SYNPR: variants seen among roughly 807,000 people sequenced by gnomAD.
SYNPR encodes synaptoporin.
A neutral mutation model predicts 32.9 loss-of-function variants in SYNPR; 23 were observed. That is an observed-to-expected ratio of 0.70 (90% CI 0.50 to 0.99). The LOEUF is 0.99. Among genes scored for constraint, SYNPR ranks in the 50% least tolerant of loss-of-function variants. The pLI is 0.00. For missense variants in SYNPR, 318 were observed against 349.3 expected (o/e 0.91, Z 0.71); for synonymous variants, 146 against 135.9 (o/e 1.07, Z -0.52).
At chr3:63,417,344 C>A (rs530187713) in intron 2 of SYNPR, among the ~76,000 whole-genome samples, 5 of 152,244 alleles carry the variant, frequency 3.3e-5, no homozygotes. Context: ...TGGGAAGCTC[C>A]GCCCCTGTGG....
rs11924108 is a variant in SYNPR at position 63,392,953 on chromosome 3, A to C, written c.85-87879A>C. Among the ~76,000 whole-genome samples the C allele has an allele frequency of 6.0e-3, 917 of 152,218 alleles. 12 individuals carry two copies. The highest frequency in any genetic ancestry group is 0.021 in the African/African-American group (888 of 41,542). On this transcript the variant is annotated intron_variant, in intron 2 of 5. Coordinates refer to ENST00000478300, the MANE Select transcript of SYNPR (RefSeq NM_001130003.2). Reference sequence around the variant, plus strand: ...ATACTCATTCTAGTAGTGTATTATGATTCTTCTATATGTATTTTCCCATTT... The same window carrying C: ...ATACTCATTCTAGTAGTGTATTATGCTTCTTCTATATGTATTTTCCCATTT...
intron 4 of SYNPR, among the ~76,000 whole-genome samples, chr3:63,586,419 T>C (rs1337234420): frequency 6.6e-6 from 1 of 151,958 alleles, no homozygotes; most frequent in Non-Finnish European, 1.5e-5. Flanking sequence ...TTTTCAAATT[T>C]AGTCACTTAA....
chr3:63,256,973 T>A (rs933785827), intron 2 of SYNPR, among the ~76,000 whole-genome samples: 2 of 152,094 alleles, frequency 1.3e-5, no homozygotes, highest in Admixed American at 1.3e-4. Flanking sequence ...GTATCAGTGA[T>A]GGAAGATCAA....
chr3:63,519,766 A>G (rs1701870917), intron 3 of SYNPR, among the ~76,000 whole-genome samples: 2 of 152,226 alleles, frequency 1.3e-5, no homozygotes, highest in South Asian at 4.1e-4. Context: ...TAATGAGTTG[A>G]ATGCATTGTA....
intron 2 of SYNPR, among the ~76,000 whole-genome samples, chr3:63,292,036 A>G (rs2086745087): frequency 6.6e-6 from 1 of 152,202 alleles, no homozygotes; most frequent in South Asian, 2.1e-4. Flanking sequence ...CCTGTACAGC[A>G]TGTGACTGTA....
intron 2 of SYNPR, among the ~76,000 whole-genome samples, chr3:63,425,770 T>C (rs1028326389): frequency 6.6e-6 from 1 of 150,404 alleles, no homozygotes; most frequent in Non-Finnish European, 1.5e-5. Context: ...AATGAACTTA[T>C]GGAAATAGAC....
intron 2 of SYNPR, among the ~76,000 whole-genome samples, chr3:63,476,760 C>A (rs1185296299): frequency 6.6e-6 from 1 of 152,164 alleles, no homozygotes; most frequent in Non-Finnish European, 1.5e-5. Context: ...CCAGGTATAA[C>A]CTCCTGTCCA....
intron 2 of SYNPR, among the ~76,000 whole-genome samples, chr3:63,455,756 G>GGGGTGTGTGTGTGTGTGTGT (rs1553637948): frequency 6.9e-6 from 1 of 144,282 alleles, no homozygotes; most frequent in African/African-American, 2.6e-5. Flanking sequence ...TCATGTTTGG[G>GGGGTGTGTGTGTGTGTGTGT]GTGTGTGTGT....
intron 2 of SYNPR, among the ~76,000 whole-genome samples, chr3:63,409,236 G>A (rs2088429174): frequency 6.6e-6 from 1 of 151,962 alleles, no homozygotes; most frequent in Admixed American, 6.6e-5. Flanking sequence ...TGTTTCTCAT[G>A]TGGGCTTTAA....
At chr3:63,543,871 T>C (rs1702351136) in intron 3 of SYNPR, among the ~76,000 whole-genome samples, 1 of 152,040 alleles carries the variant, frequency 6.6e-6, no homozygotes, top group African/African-American at 2.4e-5. Flanking sequence ...CCTTCCCTTA[T>C]GTAGCTGGCC....
intron 2 of SYNPR, among the ~76,000 whole-genome samples, chr3:63,291,604 C>G (rs1011343866): frequency 1.8e-4 from 21 of 117,138 alleles, no homozygotes; most frequent in African/African-American, 6.6e-4. Context: ...TTCATGGATT[C>G]TATTTTGAAG....
rs1228416434 is a variant in SYNPR at position 63,609,429 on chromosome 3, A to G, written c.600+113A>G. 3.2e-6 allele frequency: 3 copies of G among 931,498 alleles called. No homozygotes were observed. In the East Asian group the frequency reaches 8.9e-5, roughly 28 times the overall value. 57.7% of individuals were successfully genotyped at this position (931,498 alleles called of 1,614,324 possible). A position where few individuals can be genotyped will look rare whatever the true frequency, so the allele number is the denominator to read the frequency against. The stretch of plus-strand genomic sequence containing the variant: ...AATTGTTGCCTACAAAACTAGGCCA[A>G]TCAAAAGGTGAGATACTTCACCTCA... On this transcript the variant is annotated intron_variant, in intron 5 of 5. Coordinates refer to ENST00000478300, the MANE Select transcript of SYNPR (RefSeq NM_001130003.2).
At chr3:63,200,605 GA>G in the SYNPR span, among the ~76,000 whole-genome samples, 1 of 152,130 alleles carries the variant, frequency 6.6e-6, no homozygotes, top group Non-Finnish European at 1.5e-5. Flanking sequence ...TACAGGTGAG[GA>G]AACGGAAACT....
At chr3:63,253,398 T>G (rs2106891454) in intron 2 of SYNPR, among the ~76,000 whole-genome samples, 1 of 152,338 alleles carries the variant, frequency 6.6e-6, no homozygotes, top group East Asian at 1.9e-4. Flanking sequence ...GTAGCATCAT[T>G]TGGACAACTG....
At chr3:63,340,566 C>G (rs1424840471) in intron 2 of SYNPR, among the ~76,000 whole-genome samples, 6 of 150,732 alleles carry the variant, frequency 4.0e-5, no homozygotes, top group African/African-American at 9.7e-5. Flanking sequence ...ACTACAGGCG[C>G]CCGCCACTAC....
intron 4 of SYNPR, among the ~76,000 whole-genome samples, chr3:63,598,762 C>G (rs866576120): frequency 2.6e-5 from 4 of 152,122 alleles, no homozygotes; most frequent in African/African-American, 9.7e-5. Flanking sequence ...GCAGCCTCTT[C>G]ACTCTATGGG....
chr3:63,461,456 C>A (rs757449545), intron 2 of SYNPR, among the ~76,000 whole-genome samples: 1 of 152,098 alleles, frequency 6.6e-6, no homozygotes, highest in Non-Finnish European at 1.5e-5. Context: ...CATCTTCTTA[C>A]ATCTTTGTCC....
chr3:63,350,445 T>G (rs1041170642), intron 2 of SYNPR, among the ~76,000 whole-genome samples: 2 of 152,162 alleles, frequency 1.3e-5, no homozygotes, highest in Admixed American at 6.5e-5. Flanking sequence ...AAGTGGGACT[T>G]CAGACTATAT....
chr3:63,446,280 GT>G (rs201372951), intron 2 of SYNPR, among the ~76,000 whole-genome samples: 4,986 of 140,406 alleles, frequency 0.036, 106 homozygotes, highest in Non-Finnish European at 0.054. Flanking sequence ...CTCCCACCAT[GT>G]TTTTTTTTTT....
Sources: allele counts gnomAD v4.1 joint callset (sites outside exome capture counted in the v4.1 genomes callset), GRCh38; gene constraint gnomAD v4.1.1; transcripts MANE v1.5; gene names NCBI Gene and HGNC (gene_info 2026-07-23, HGNC 2026-07-21).